CACNA2D3: variants seen among roughly 807,000 people sequenced by gnomAD.
CACNA2D3 encodes the protein voltage-dependent calcium channel subunit alpha-2/delta-3.
Under a neutral mutation model 160.6 loss-of-function variants are expected in CACNA2D3, and 60 were observed. That is an observed-to-expected ratio of 0.37 (90% CI 0.30 to 0.46). The LOEUF (loss-of-function observed/expected upper bound fraction) is 0.46. Ranked by LOEUF, CACNA2D3 falls within the 20% of genes least tolerant of loss-of-function variation. CACNA2D3 has a pLI of 1.00. For missense variants in CACNA2D3, 1,205 were observed against 1,365.0 expected (o/e 0.88, Z 1.85); for synonymous variants, 558 against 492.9 (o/e 1.13, Z -1.75).
intron 2 of CACNA2D3, among the ~76,000 whole-genome samples, chr3:54,171,728 C>G (rs1700574603): frequency 6.6e-6 from 1 of 152,162 alleles, no homozygotes; most frequent in African/African-American, 2.4e-5. Flanking sequence ...TCTCCAGGAC[C>G]ATGGTCTGTG....
chr3:54,645,478 G>A (rs999309219), intron 11 of CACNA2D3, among the ~76,000 whole-genome samples: 3 of 152,320 alleles, frequency 2.0e-5, no homozygotes, highest in East Asian at 1.9e-4. Flanking sequence ...CGCTGCTGGC[G>A]CTGAGCAGCA....
intron 4 of CACNA2D3, among the ~76,000 whole-genome samples, chr3:54,400,144 C>A (rs567040453): frequency 5.5e-5 from 8 of 146,002 alleles, no homozygotes; most frequent in Admixed American, 1.4e-4. Flanking sequence ...GGCAATGCCT[C>A]GCCCTGCTTC....
chr3:54,132,558 C>G (rs7638055), intron 2 of CACNA2D3, among the ~76,000 whole-genome samples: 22,021 of 152,162 alleles, frequency 0.14, 1,857 homozygotes, highest in East Asian at 0.2. Flanking sequence ...GTATACATTT[C>G]CTGGAACGGG....
chr3:54,353,128 T>C (rs779664332), intron 3 of CACNA2D3, among the ~76,000 whole-genome samples: 3 of 152,236 alleles, frequency 2.0e-5, no homozygotes, highest in Non-Finnish European at 2.9e-5. Flanking sequence ...TTTGTACCCA[T>C]TAACCATCCC....
At chr3:55,001,659 TG>T (rs1160377661) in intron 31 of CACNA2D3, among the ~76,000 whole-genome samples, 1 of 152,212 alleles carries the variant, frequency 6.6e-6, no homozygotes, top group East Asian at 1.9e-4. Context: ...CTTGAGCCTT[TG>T]GGAACAGTGC....
chr3:54,386,594 G>T (rs1182057062), intron 3 of CACNA2D3, 121 bp from the exon 4 acceptor site: 1 of 788,990 alleles, frequency 1.3e-6, no homozygotes, highest in East Asian at 2.7e-5. Context: ...GGGAGCAAAG[G>T]CATCAGATCA....
intron 3 of CACNA2D3, among the ~76,000 whole-genome samples, chr3:54,330,466 T>TA (rs560152121): frequency 1.4e-3 from 220 of 152,210 alleles, no homozygotes; most frequent in African/African-American, 4.9e-3. Flanking sequence ...CTCCAGCCAA[T>TA]GAGCAGGAGT....
Position 54,453,643 on chromosome 3 carries a change from A to T in CACNA2D3, c.382-49849A>T, listed in dbSNP as rs1424989366. On this transcript the variant is annotated intron_variant, in intron 4 of 37. Coordinates refer to ENST00000474759, the MANE Select transcript of CACNA2D3 (RefSeq NM_018398.3). Reference sequence around the variant, plus strand: ...CAGGCAGGGCCCAGTCCAAGGATTCAAACAATGTCTTGCTCTTGCTCTCTC... The same window carrying T: ...CAGGCAGGGCCCAGTCCAAGGATTCTAACAATGTCTTGCTCTTGCTCTCTC... Among the ~76,000 whole-genome samples, 6 of 152,158 alleles carry T rather than the reference A, an allele frequency of 3.9e-5. No individual in the cohort carries two copies. In the East Asian group the frequency reaches 1.2e-3, roughly 29 times the overall value.
chr3:54,607,242 T>TCC, intron 9 of CACNA2D3, among the ~76,000 whole-genome samples: 1 of 152,292 alleles, frequency 6.6e-6, no homozygotes, highest in Middle Eastern at 3.4e-3. Context: ...GATCTGTTTC[T>TCC]CCCCACCTCC....
At chr3:54,871,118 C>G (rs551225366) in intron 17 of CACNA2D3, among the ~76,000 whole-genome samples, 7 of 144,118 alleles carry the variant, frequency 4.9e-5, no homozygotes, top group African/African-American at 1.8e-4. Context: ...ACAAATCCAA[C>G]TGCTAACTAG....
chr3:54,334,016 G>A (rs1380902141), intron 3 of CACNA2D3, among the ~76,000 whole-genome samples: 1 of 152,218 alleles, frequency 6.6e-6, no homozygotes, highest in Non-Finnish European at 1.5e-5. Context: ...TCAGCCTTGG[G>A]AATTACTTCC....
chr3:54,501,345 T>C (rs2106941653), intron 4 of CACNA2D3, among the ~76,000 whole-genome samples: 1 of 152,312 alleles, frequency 6.6e-6, no homozygotes, highest in Admixed American at 6.5e-5. Context: ...CTGTTATATG[T>C]TAGATTAGTT....
chr3:54,533,356 GA>G (rs1701835616), intron 5 of CACNA2D3, among the ~76,000 whole-genome samples: 1 of 76,942 alleles, frequency 1.3e-5, no homozygotes, highest in African/African-American at 5.4e-5. Flanking sequence ...TTTTTTTTGA[GA>G]CAGAGTCTCA....
chr3:54,400,931 A>G (rs1034716553), intron 4 of CACNA2D3, among the ~76,000 whole-genome samples: 13 of 152,198 alleles, frequency 8.5e-5, no homozygotes, highest in Non-Finnish European at 1.8e-4. Flanking sequence ...CTAAAAAGGA[A>G]TTCAGAATAA....
chr3:54,158,258 C>A (rs896634636), intron 2 of CACNA2D3, among the ~76,000 whole-genome samples: 4 of 152,208 alleles, frequency 2.6e-5, no homozygotes, highest in African/African-American at 9.7e-5. Context: ...GATCCCCATA[C>A]CTGCTAATTT....
chr3:54,638,421 GAATGAAA>G (rs1162336436), intron 10 of CACNA2D3: 3 of 152,028 alleles, frequency 2.0e-5, no homozygotes, highest in Non-Finnish European at 4.4e-5. Flanking sequence ...GCTAGTCACG[GAATGAAA>G]CTGTAAGCCG....
chr3:54,349,695 C>G (rs1316738441), intron 3 of CACNA2D3, among the ~76,000 whole-genome samples: 1 of 152,198 alleles, frequency 6.6e-6, no homozygotes, highest in East Asian at 1.9e-4. Flanking sequence ...TCACTCCCCC[C>G]TCCCCCAGGC....
At chr3:54,635,753 A>C (rs1699355550) in intron 10 of CACNA2D3, among the ~76,000 whole-genome samples, 1 of 151,752 alleles carries the variant, frequency 6.6e-6, no homozygotes, top group Non-Finnish European at 1.5e-5. Context: ...AAGGGATATA[A>C]AGGTTTCACT....
intron 2 of CACNA2D3, among the ~76,000 whole-genome samples, chr3:54,307,061 G>A (rs1303969132): frequency 6.6e-6 from 1 of 152,088 alleles, no homozygotes; most frequent in Non-Finnish European, 1.5e-5. Flanking sequence ...GCCGACTCCA[G>A]ACTGGCTCAT....
Sources: gnomAD v4.1 joint callset for allele counts (sites outside exome capture counted in the v4.1 genomes callset) on GRCh38, gnomAD v4.1.1 for gene constraint, MANE v1.5 for transcripts, NCBI Gene and HGNC (gene_info 2026-07-23, HGNC 2026-07-21) for gene names.